The following PDE4D variants were observed in gnomAD, a reference collection of about 807,000 sequenced individuals.
PDE4D encodes phosphodiesterase 4D.
A neutral mutation model predicts 87.4 loss-of-function variants in PDE4D; 24 were observed. The ratio of observed to expected loss-of-function variants is 0.27; its 90% CI spans 0.20 to 0.39. The LOEUF is 0.39. Among genes scored for constraint, PDE4D ranks in the 10% least tolerant of loss-of-function variants. The probability of loss-of-function intolerance (pLI) is 1.00; values close to 1 mark genes in which losing one functional copy is unlikely to be tolerated. For synonymous variants in PDE4D, 384 were observed against 383.2 expected, an observed-to-expected ratio of 1.00 and a Z score of -0.02; for missense variants, 714 against 1,041.0, an observed-to-expected ratio of 0.69 and a Z score of 4.32.
At chr5:60,500,131 C>T (rs559929871) in intron 1 of PDE4D, among the ~76,000 whole-genome samples, 7 of 151,640 alleles carry the variant, frequency 4.6e-5, no homozygotes, top group Non-Finnish European at 8.8e-5. Context: ...CATAGTGAGA[C>T]ACCATCTCTA....
intron 1 of PDE4D, among the ~76,000 whole-genome samples, chr5:59,316,846 T>C (rs1773846531): frequency 6.6e-6 from 1 of 152,164 alleles, no homozygotes; most frequent in Non-Finnish European, 1.5e-5. Flanking sequence ...TTCACCTCTA[T>C]GAAAATATTG....
chr5:59,829,438 C>A (rs900112511), intron 1 of PDE4D, among the ~76,000 whole-genome samples: 1 of 151,972 alleles, frequency 6.6e-6, no homozygotes, highest in African/African-American at 2.4e-5. Flanking sequence ...AATTAATTAT[C>A]TCTGCAGCCA....
rs563250734 is a variant in PDE4D, at chr5:60,513,346, T to C, written n.70+8705A>G. 2.2e-4 allele frequency among the ~76,000 whole-genome samples: 33 copies of C among 152,154 alleles called. No individual in the cohort carries two copies. In the South Asian group the frequency reaches 6.6e-3, roughly 31 times the overall value. On this transcript the variant is annotated intron_variant and non_coding_transcript_variant, in intron 1 of 2. Coordinates refer to the PDE4D transcript ENST00000506510. ...GATTTTAAGACAAAACATTAATAGA[T>C]AAAGAGGAGGAAATACATGGCTGAA... is the stretch of plus-strand genomic sequence containing the variant.
intron 1 of PDE4D, among the ~76,000 whole-genome samples, chr5:60,504,677 C>G (rs1310974308): frequency 6.6e-6 from 1 of 152,212 alleles, no homozygotes; most frequent in Non-Finnish European, 1.5e-5. Context: ...TTTCCACCAT[C>G]TTTTCAACAG....
At position 58,969,707 on chromosome 5, in the gene PDE4D, C is replaced by T. The variant is rs1742274354; in HGVS notation, c.*4957G>A. Reference sequence around the variant, plus strand: ...AGCTCCATGAAAGCAAACACTGTGTCTCATTAACTTATTGTTGAGTCCTTA... The same window carrying T: ...AGCTCCATGAAAGCAAACACTGTGTTTCATTAACTTATTGTTGAGTCCTTA... On this transcript the variant is annotated 3_prime_UTR_variant, in exon 15 of 15. Coordinates refer to ENST00000340635, the MANE Select transcript of PDE4D (RefSeq NM_001104631.2). The T allele has an allele frequency of 6.6e-6, 1 of 152,140 alleles. No individual in the cohort carries two copies. The highest frequency in any genetic ancestry group is 1.5e-5 in the Non-Finnish European group (1 of 68,042). The allele number at this position is 152,140 out of a possible 1,614,324, so 9.4% of individuals were successfully genotyped here.
chr5:60,032,205 A>G (rs1378775303), intron 2 of PDE4D, among the ~76,000 whole-genome samples: 1 of 152,210 alleles, frequency 6.6e-6, no homozygotes, highest in East Asian at 1.9e-4. Flanking sequence ...AATGATAACC[A>G]TGATGAAGAT....
intron 1 of PDE4D, among the ~76,000 whole-genome samples, chr5:60,202,911 G>GA (rs913967995): frequency 2.0e-4 from 31 of 152,188 alleles, no homozygotes; most frequent in Admixed American, 7.8e-4. Flanking sequence ...GAATCAGTAT[G>GA]AAAAAAAGAC....
intron 2 of PDE4D, among the ~76,000 whole-genome samples, chr5:60,048,661 A>G (rs1769649298): frequency 6.6e-6 from 1 of 151,892 alleles, no homozygotes; most frequent in African/African-American, 2.4e-5. Flanking sequence ...CTGGGTTGAA[A>G]ATTCTTTTCT....
chr5:59,458,013 G>A lies in PDE4D; in HGVS notation c.456-242045C>T, dbSNP rs555622190. On this transcript the variant is annotated intron_variant, in intron 1 of 14. Transcript: ENST00000340635. Reference sequence around the variant, plus strand: ...TGAACCGTTAATGTGACTCTAATCTGACTCCTTATTCTTGTTACTGGACCA... The same window carrying A: ...TGAACCGTTAATGTGACTCTAATCTAACTCCTTATTCTTGTTACTGGACCA... Among the ~76,000 whole-genome samples the A allele has an allele frequency of 7.9e-5, 12 of 152,256 alleles. No homozygotes were observed. In the East Asian group the frequency reaches 1.7e-3, roughly 22 times the overall value.
At chr5:59,071,818 C>G (rs1473944062) in intron 5 of PDE4D, among the ~76,000 whole-genome samples, 2 of 149,794 alleles carry the variant, frequency 1.3e-5, no homozygotes, top group East Asian at 4.0e-4. Context: ...TCCTGAGTAG[C>G]TGGGATTACA....
At chr5:59,758,168 T>C (rs1039200350) in intron 1 of PDE4D, among the ~76,000 whole-genome samples, 1 of 152,166 alleles carries the variant, frequency 6.6e-6, no homozygotes, top group Non-Finnish European at 1.5e-5. Flanking sequence ...ATGCTATTGG[T>C]TTCATAGCTG....
intron 1 of PDE4D, among the ~76,000 whole-genome samples, chr5:59,401,103 A>T (rs11742439): frequency 0.02 from 3,097 of 152,198 alleles, 47 homozygotes; most frequent in Middle Eastern, 0.034. Context: ...TATTGTGTAA[A>T]ATTACCTTCA....
intron 1 of PDE4D, among the ~76,000 whole-genome samples, chr5:59,838,401 T>C (rs1742479212): frequency 6.6e-6 from 1 of 152,050 alleles, no homozygotes. Context: ...GGATCTCCAG[T>C]CCAGGGGTGT....
At chr5:59,055,651 C>A (rs1762226482) in intron 5 of PDE4D, among the ~76,000 whole-genome samples, 1 of 152,124 alleles carries the variant, frequency 6.6e-6, no homozygotes, top group Non-Finnish European at 1.5e-5. Context: ...GGAGGCCCTC[C>A]AGGGTGGAGG....
At chr5:59,085,583 T>C (rs961138457) in intron 5 of PDE4D, among the ~76,000 whole-genome samples, 2 of 152,210 alleles carry the variant, frequency 1.3e-5, no homozygotes, top group African/African-American at 2.4e-5. Context: ...AAGTGGACAC[T>C]ATAAATTATG....
At chr5:59,004,295 T>G (rs921441349) in intron 6 of PDE4D, among the ~76,000 whole-genome samples, 1 of 152,222 alleles carries the variant, frequency 6.6e-6, no homozygotes, top group African/African-American at 2.4e-5. Flanking sequence ...GGGAAGCTAT[T>G]TAAATTTCCC....
At chr5:59,088,881 C>T (rs1768193568) in intron 5 of PDE4D, among the ~76,000 whole-genome samples, 1 of 152,042 alleles carries the variant, frequency 6.6e-6, no homozygotes, top group African/African-American at 2.4e-5. Flanking sequence ...TACTACAAAC[C>T]CCATGACACA....
chr5:59,624,693 G>A (rs1830699053), intron 1 of PDE4D, among the ~76,000 whole-genome samples: 1 of 152,142 alleles, frequency 6.6e-6, no homozygotes, highest in South Asian at 2.1e-4. Flanking sequence ...TCAATTACAT[G>A]GTTATTTCTT....
chr5:60,251,112 G>C (rs1251469439), intron 1 of PDE4D, among the ~76,000 whole-genome samples: 1 of 151,928 alleles, frequency 6.6e-6, no homozygotes, highest in African/African-American at 2.4e-5. Flanking sequence ...AAATATTTTT[G>C]TACAGCTATA....
Sources: allele counts gnomAD v4.1 joint callset (sites outside exome capture counted in the v4.1 genomes callset), GRCh38; gene constraint gnomAD v4.1.1; transcripts MANE v1.5; gene names NCBI Gene and HGNC (gene_info 2026-07-23, HGNC 2026-07-21).